NIM1K: variants seen among roughly 807,000 people sequenced by gnomAD.
NIM1K encodes NIM1 serine/threonine protein kinase, also known as serine/threonine-protein kinase NIM1.
In NIM1K, 35 loss-of-function variants were observed where a neutral mutation model predicts 37.1. That is an observed-to-expected ratio of 0.94 (90% CI 0.72 to 1.25). NIM1K has a LOEUF of 1.25. NIM1K is among the 50% of genes most tolerant of loss of function. The probability of loss-of-function intolerance (pLI) is 0.00; values close to 1 mark genes in which losing one functional copy is unlikely to be tolerated. For synonymous variants in NIM1K, 234 were observed against 206.6 expected, an observed-to-expected ratio of 1.13 and a Z score of -1.14; for missense variants, 564 against 548.0, an observed-to-expected ratio of 1.03 and a Z score of -0.29.
At chr5:43,210,489 A>G (rs77995945) in intron 1 of NIM1K, among the ~76,000 whole-genome samples, 3,540 of 152,238 alleles carry the variant, frequency 0.023, 143 homozygotes, top group East Asian at 0.16. Flanking sequence ...CTTATACTAC[A>G]GAGAGTCAAT....
At chr5:43,260,662 C>A (rs975248666) in intron 2 of NIM1K, among the ~76,000 whole-genome samples, 2 of 151,872 alleles carry the variant, frequency 1.3e-5, no homozygotes, top group Admixed American at 1.3e-4. Flanking sequence ...GCACAATGTG[C>A]AGGTTTGTTA....
chr5:43,250,888 G>A (rs1371561336), intron 2 of NIM1K, among the ~76,000 whole-genome samples: 2 of 152,206 alleles, frequency 1.3e-5, no homozygotes, highest in Non-Finnish European at 2.9e-5. Context: ...GGGACAGTAG[G>A]AAAAGCGTGG....
At chr5:43,247,123 A>G (rs545697885) in intron 2 of NIM1K, among the ~76,000 whole-genome samples, 1 of 152,056 alleles carries the variant, frequency 6.6e-6, no homozygotes, top group South Asian at 2.1e-4. Context: ...AAAAAGCTCC[A>G]CATACATGTT....
At chr5:43,257,495 G>A (rs1752963847) in intron 2 of NIM1K, among the ~76,000 whole-genome samples, 1 of 150,446 alleles carries the variant, frequency 6.6e-6, no homozygotes, top group African/African-American at 2.4e-5. Flanking sequence ...AGCCTCCTGA[G>A]TAGCTAGGAC....
chr5:43,253,433 A>G (rs1397085321), intron 2 of NIM1K, among the ~76,000 whole-genome samples: 1 of 151,772 alleles, frequency 6.6e-6, no homozygotes, highest in Non-Finnish European at 1.5e-5. Flanking sequence ...GAGCAATTTC[A>G]CAGGAGAAGG....
chr5:43,268,410 C>T (rs35033162), intron 2 of NIM1K, among the ~76,000 whole-genome samples: 1,863 of 152,090 alleles, frequency 0.012, 44 homozygotes, highest in East Asian at 0.089. Flanking sequence ...GCTGACCAGA[C>T]CAGGTGCTTG....
At chr5:43,228,477 A>G (rs978723528) in intron 1 of NIM1K, among the ~76,000 whole-genome samples, 2 of 152,098 alleles carry the variant, frequency 1.3e-5, no homozygotes, top group Non-Finnish European at 2.9e-5. Flanking sequence ...AAACATAAAC[A>G]AAAATTTTAC....
At chr5:43,206,898 C>G in intron 1 of NIM1K, 1 of 768,368 alleles carries the variant, frequency 1.3e-6, no homozygotes, top group Non-Finnish European at 2.4e-6. Flanking sequence ...GAGAATTTAC[C>G]CACATGGATT....
intron 3 of NIM1K, among the ~76,000 whole-genome samples, chr5:43,279,325 C>T (rs978739491): frequency 1.3e-5 from 2 of 152,184 alleles, no homozygotes; most frequent in Admixed American, 6.5e-5. Flanking sequence ...AGACTGTCCC[C>T]TCCAAAGCCT....
chr5:43,227,592 C>G (rs1044909567), intron 1 of NIM1K, among the ~76,000 whole-genome samples: 2 of 152,090 alleles, frequency 1.3e-5, no homozygotes, highest in Non-Finnish European at 2.9e-5. Context: ...TCTAACATTT[C>G]TAGTAGAGAA....
At chr5:43,259,698 T>C (rs762871646) in intron 2 of NIM1K, among the ~76,000 whole-genome samples, 6 of 152,216 alleles carry the variant, frequency 3.9e-5, no homozygotes, top group Admixed American at 6.5e-5. Context: ...CTTTGTCAGA[T>C]ACATAGTTTG....
intron 1 of NIM1K, among the ~76,000 whole-genome samples, chr5:43,203,257 T>A (rs2112205694): frequency 6.6e-6 from 1 of 152,372 alleles, no homozygotes; most frequent in Middle Eastern, 3.4e-3. Flanking sequence ...TAGTGTTAAA[T>A]CAAGTTCAGC....
intron 1 of NIM1K, among the ~76,000 whole-genome samples, chr5:43,204,704 CAAA>C (rs59833557): frequency 7.9e-6 from 1 of 125,906 alleles, no homozygotes; most frequent in Admixed American, 8.6e-5. Context: ...GGCTCTGTCT[CAAA>C]AAAAAAAAAA....
intron 1 of NIM1K, chr5:43,193,254 T>C (rs1346039418): frequency 2.0e-5 from 3 of 152,142 alleles, no homozygotes; most frequent in Non-Finnish European, 4.4e-5. Context: ...GATTCTGCTA[T>C]AGCACTTCTT....
intron 1 of NIM1K, among the ~76,000 whole-genome samples, chr5:43,214,770 C>G (rs796346648): frequency 9.3e-5 from 13 of 139,152 alleles, no homozygotes; most frequent in African/African-American, 3.5e-4. Context: ...GAGCCGAGAT[C>G]GCGCCACTGC....
intron 1 of NIM1K, among the ~76,000 whole-genome samples, chr5:43,220,828 C>T (rs1366170424): frequency 6.6e-6 from 1 of 152,040 alleles, no homozygotes; most frequent in African/African-American, 2.4e-5. Context: ...ATAATGATTA[C>T]TTTATATAAT....
chr5:43,270,056 A>C (rs1323456371), intron 2 of NIM1K, among the ~76,000 whole-genome samples: 2 of 152,158 alleles, frequency 1.3e-5, no homozygotes, highest in African/African-American at 4.8e-5. Context: ...GTAGTTACAA[A>C]TTCCTTCATC....
intron 1 of NIM1K, chr5:43,233,201 A>G: frequency 9.6e-7 from 1 of 1,043,444 alleles, no homozygotes; most frequent in Non-Finnish European, 1.4e-6. Context: ...TGCCGAGGCG[A>G]TGGTGGAGAC....
intron 1 of NIM1K, among the ~76,000 whole-genome samples, chr5:43,216,961 T>C (rs1752308505): frequency 6.6e-6 from 1 of 152,238 alleles, no homozygotes; most frequent in Non-Finnish European, 1.5e-5. Context: ...TTAGTTATTT[T>C]AACAGCTTTA....
Sources: allele counts gnomAD v4.1 joint callset (sites outside exome capture counted in the v4.1 genomes callset), GRCh38; gene constraint gnomAD v4.1.1; transcripts MANE v1.5; gene names NCBI Gene and HGNC (gene_info 2026-07-23, HGNC 2026-07-21).